INPP4B: variants seen among roughly 807,000 people sequenced by gnomAD.
The protein encoded by INPP4B is inositol polyphosphate 4-phosphatase type II.
INPP4B carries 55 observed loss-of-function variants against 122.5 expected under a neutral mutation model. The observed-to-expected ratio is 0.45, with a 90% CI of 0.36 to 0.56. The LOEUF (loss-of-function observed/expected upper bound fraction) is 0.56. Among genes scored for constraint, INPP4B ranks in the 20% least tolerant of loss-of-function variants. The pLI is 0.00. For synonymous variants in INPP4B, 403 were observed against 388.7 expected, an observed-to-expected ratio of 1.04 and a Z score of -0.43; for missense variants, 1,000 against 1,097.7, an observed-to-expected ratio of 0.91 and a Z score of 1.26.
At chr4:142,545,738 T>C (rs1560782002) in intron 2 of INPP4B, among the ~76,000 whole-genome samples, 1 of 124,970 alleles carries the variant, frequency 8.0e-6, no homozygotes, top group Admixed American at 7.9e-5. Flanking sequence ...TATACACATA[T>C]ATGTGTATAT....
chr4:142,136,029 C>T (rs1416627321), intron 18 of INPP4B, among the ~76,000 whole-genome samples: 2 of 152,168 alleles, frequency 1.3e-5, no homozygotes, highest in African/African-American at 4.8e-5. Context: ...GATCTCCTGA[C>T]CTTGTGATCC....
chr4:142,808,787 C>T (rs1337370502), intron 1 of INPP4B, among the ~76,000 whole-genome samples: 1 of 152,026 alleles, frequency 6.6e-6, no homozygotes, highest in Non-Finnish European at 1.5e-5. Context: ...ATTTATATAA[C>T]TCACTACTTA....
intron 12 of INPP4B, among the ~76,000 whole-genome samples, chr4:142,230,506 G>A (rs183233630): frequency 1.0e-3 from 158 of 151,950 alleles, no homozygotes; most frequent in Admixed American, 4.4e-3. Flanking sequence ...TTATCTGCAC[G>A]TGGTGGCGCT....
intron 7 of INPP4B, among the ~76,000 whole-genome samples, chr4:142,324,710 A>G (rs1401893421): frequency 6.6e-6 from 1 of 152,112 alleles, no homozygotes; most frequent in Non-Finnish European, 1.5e-5. Flanking sequence ...CCCCTAGGGC[A>G]TCTCTTGCCT....
chr4:142,623,168 TAC>T (rs1269624853), intron 2 of INPP4B, among the ~76,000 whole-genome samples: 2 of 151,954 alleles, frequency 1.3e-5, no homozygotes, highest in Non-Finnish European at 2.9e-5. Context: ...GTCGCAAATA[TAC>T]ACAGAGTCTG....
At chr4:142,632,302 T>C (rs547866074) in intron 2 of INPP4B, among the ~76,000 whole-genome samples, 1 of 152,270 alleles carries the variant, frequency 6.6e-6, no homozygotes, top group East Asian at 1.9e-4. Flanking sequence ...TGGATGGAAC[T>C]GGAGGTCATT....
chr4:142,109,152 T>TC (rs1316023842), intron 22 of INPP4B, among the ~76,000 whole-genome samples: 2 of 146,258 alleles, frequency 1.4e-5, no homozygotes, highest in East Asian at 4.0e-4. Flanking sequence ...TTTTTTTTTT[T>TC]CTCAACCACT....
At chr4:142,789,471 C>T (rs1051525664) in intron 1 of INPP4B, among the ~76,000 whole-genome samples, 2 of 152,006 alleles carry the variant, frequency 1.3e-5, no homozygotes, top group East Asian at 3.9e-4. Flanking sequence ...AAGAACTCAA[C>T]CCCTTTTACA....
chr4:142,161,383 C>T (rs944773190), intron 16 of INPP4B, among the ~76,000 whole-genome samples: 2 of 151,946 alleles, frequency 1.3e-5, no homozygotes, highest in Non-Finnish European at 2.9e-5. Flanking sequence ...CTTCACTTAG[C>T]ATGCATGTGG....
intron 22 of INPP4B, among the ~76,000 whole-genome samples, chr4:142,112,030 C>T (rs1420991543): frequency 6.0e-5 from 9 of 150,786 alleles, no homozygotes; most frequent in Non-Finnish European, 8.9e-5. Flanking sequence ...AGGCGTAAGC[C>T]ACCACGACCA....
At chr4:142,603,492 TAA>T (rs1019145946) in intron 2 of INPP4B, among the ~76,000 whole-genome samples, 30 of 149,730 alleles carry the variant, frequency 2.0e-4, no homozygotes, top group African/African-American at 5.2e-4. Context: ...TAAGAAGAGA[TAA>T]GAGACAAAAA....
chr4:142,842,572 G>A (rs1783632917), intron 1 of INPP4B, among the ~76,000 whole-genome samples: 1 of 137,052 alleles, frequency 7.3e-6, no homozygotes, highest in Admixed American at 7.8e-5. Context: ...TATAATATAT[G>A]ATATATAAGA....
intron 7 of INPP4B, among the ~76,000 whole-genome samples, chr4:142,320,650 C>T (rs1769649259): frequency 6.6e-6 from 1 of 152,134 alleles, no homozygotes; most frequent in African/African-American, 2.4e-5. Flanking sequence ...CCTCACCCCA[C>T]TCCCACCCTT....
intron 10 of INPP4B, among the ~76,000 whole-genome samples, chr4:142,268,167 C>T (rs1743757499): frequency 6.7e-6 from 1 of 150,008 alleles, no homozygotes; most frequent in Non-Finnish European, 1.5e-5. Context: ...ACTAAAGATA[C>T]AAAAAATTAG....
At chr4:142,650,467 G>A (rs549650769) in intron 2 of INPP4B, among the ~76,000 whole-genome samples, 17 of 151,820 alleles carry the variant, frequency 1.1e-4, no homozygotes, top group African/African-American at 4.1e-4. Flanking sequence ...GTATTCAGGA[G>A]ACCCATCTCA....
intron 2 of INPP4B, among the ~76,000 whole-genome samples, chr4:142,648,011 A>G (rs1752163099): frequency 6.6e-6 from 1 of 152,222 alleles, no homozygotes; most frequent in South Asian, 2.1e-4. Flanking sequence ...GTTCAACTCT[A>G]AACTTCCAAA....
intron 2 of INPP4B, among the ~76,000 whole-genome samples, chr4:142,479,156 T>C (rs894628859): frequency 1.3e-5 from 2 of 152,008 alleles, no homozygotes; most frequent in Admixed American, 1.3e-4. Context: ...GGGCAAAGGA[T>C]ACAAACAGAC....
intron 8 of INPP4B, among the ~76,000 whole-genome samples, chr4:142,313,822 T>C (rs1766448189): frequency 6.6e-6 from 1 of 152,222 alleles, no homozygotes; most frequent in African/African-American, 2.4e-5. Flanking sequence ...CTCTGCTTTT[T>C]CACTAACAGC....
intron 7 of INPP4B, among the ~76,000 whole-genome samples, chr4:142,384,642 G>A (rs879910752): frequency 2.0e-4 from 31 of 152,026 alleles, no homozygotes; most frequent in South Asian, 2.1e-4. Context: ...ATTATGCAGC[G>A]CATGACTGTA....
Sources: allele counts gnomAD v4.1 joint callset (sites outside exome capture counted in the v4.1 genomes callset), GRCh38; gene constraint gnomAD v4.1.1; transcripts MANE v1.5; gene names NCBI Gene and HGNC (gene_info 2026-07-23, HGNC 2026-07-21).